Variants in ZNF385D observed in about 807,000 individuals in gnomAD.
ZNF385D encodes the protein zinc finger protein 659.
A neutral mutation model predicts 35.8 loss-of-function variants in ZNF385D; 15 were observed. The ratio of observed to expected loss-of-function variants is 0.42; its 90% CI spans 0.28 to 0.64. ZNF385D has a LOEUF of 0.64. ZNF385D is among the 30% of genes least tolerant of loss of function. ZNF385D has a pLI of 0.23. For synonymous variants in ZNF385D, 212 were observed against 186.8 expected (o/e 1.13, Z -1.10); for missense variants, 474 against 494.6 (o/e 0.96, Z 0.39).
chr3:22,335,169 G>A (rs1695108407), intron 2 of ZNF385D, among the ~76,000 whole-genome samples: 1 of 152,098 alleles, frequency 6.6e-6, no homozygotes, highest in African/African-American at 2.4e-5. Context: ...GTTAGGCCTT[G>A]ATGCTGTTAT....
At chr3:21,632,025 T>G (rs1169901028) in intron 2 of ZNF385D, among the ~76,000 whole-genome samples, 1 of 152,130 alleles carries the variant, frequency 6.6e-6, no homozygotes, top group Admixed American at 6.6e-5. Flanking sequence ...AGTAAAGATT[T>G]CCCTCATTTC....
chr3:21,874,693 T>C (rs1697872352), intron 3 of ZNF385D, among the ~76,000 whole-genome samples: 1 of 152,138 alleles, frequency 6.6e-6, no homozygotes, highest in Non-Finnish European at 1.5e-5. Context: ...TTTGTTCTTT[T>C]TCAAGATATT....
intron 2 of ZNF385D, among the ~76,000 whole-genome samples, chr3:22,176,791 A>G (rs914419825): frequency 6.6e-6 from 1 of 152,188 alleles, no homozygotes; most frequent in African/African-American, 2.4e-5. Flanking sequence ...TGAAAGCACT[A>G]AAATATTTTT....
intron 3 of ZNF385D, among the ~76,000 whole-genome samples, chr3:22,040,196 C>A (rs1470623842): frequency 2.0e-5 from 3 of 152,000 alleles, no homozygotes; most frequent in African/African-American, 7.2e-5. Context: ...TAGCCCACAT[C>A]TTTGTAAATG....
chr3:22,082,003 T>C (rs1474435631), intron 3 of ZNF385D, among the ~76,000 whole-genome samples: 5 of 151,554 alleles, frequency 3.3e-5, no homozygotes, highest in Non-Finnish European at 7.4e-5. Flanking sequence ...TTTTTTTTTT[T>C]TTTTTTTGCT....
intron 3 of ZNF385D, among the ~76,000 whole-genome samples, chr3:21,955,807 G>C (rs1479969): frequency 2.0e-5 from 3 of 151,894 alleles, no homozygotes; most frequent in Middle Eastern, 3.2e-3. Context: ...CACATGCTAA[G>C]TACTACTGGT....
At chr3:21,789,440 TA>T (rs1320739325) in intron 3 of ZNF385D, among the ~76,000 whole-genome samples, 1 of 152,204 alleles carries the variant, frequency 6.6e-6, no homozygotes, top group Non-Finnish European at 1.5e-5. Flanking sequence ...GTTGTTGCTC[TA>T]AACCTTAAAG....
chr3:22,203,110 C>T, intron 2 of ZNF385D, among the ~76,000 whole-genome samples: 1 of 152,058 alleles, frequency 6.6e-6, no homozygotes, highest in East Asian at 1.9e-4. Flanking sequence ...GGCAGTGCAG[C>T]TCACAGCTCC....
At chr3:21,884,086 G>A (rs1319874425) in intron 3 of ZNF385D, among the ~76,000 whole-genome samples, 1 of 151,994 alleles carries the variant, frequency 6.6e-6, no homozygotes, top group Admixed American at 6.6e-5. Flanking sequence ...AGAAAAGGGA[G>A]ACATAGGATA....
At chr3:21,688,886 T>G (rs2067192629) in intron 1 of ZNF385D, among the ~76,000 whole-genome samples, 1 of 152,188 alleles carries the variant, frequency 6.6e-6, no homozygotes, top group Non-Finnish European at 1.5e-5. Flanking sequence ...ATGAAATTAT[T>G]ATAATGTGCT....
At chr3:22,321,194 G>A (rs1290753945) in intron 2 of ZNF385D, among the ~76,000 whole-genome samples, 1 of 40,404 alleles carries the variant, frequency 2.5e-5, no homozygotes. Flanking sequence ...TTCATTTTCT[G>A]GCATCTCTTT....
At chr3:21,942,257 T>A (rs1388076525) in intron 3 of ZNF385D, among the ~76,000 whole-genome samples, 2 of 152,216 alleles carry the variant, frequency 1.3e-5, no homozygotes, top group African/African-American at 2.4e-5. Flanking sequence ...AAATGACTCC[T>A]TTTTTAAATG....
chr3:22,024,266 G>A (rs948892881), intron 3 of ZNF385D, among the ~76,000 whole-genome samples: 8 of 151,992 alleles, frequency 5.3e-5, no homozygotes, highest in African/African-American at 1.9e-4. Context: ...AGCCCATTGT[G>A]GGATCTTGAG....
chr3:21,693,821 C>A (rs1202079732), intron 1 of ZNF385D, among the ~76,000 whole-genome samples: 1 of 151,180 alleles, frequency 6.6e-6, no homozygotes, highest in Non-Finnish European at 1.5e-5. Flanking sequence ...AGAGTCAACT[C>A]CAGACAAAAA....
At chr3:21,815,985 G>A (rs191724033) in intron 3 of ZNF385D, among the ~76,000 whole-genome samples, 21 of 152,288 alleles carry the variant, frequency 1.4e-4, no homozygotes, top group Admixed American at 1.3e-3. Flanking sequence ...TAACTGCCAT[G>A]ATCAAGTGGG....
chr3:21,879,355 G>T (rs1698150286), intron 3 of ZNF385D, among the ~76,000 whole-genome samples: 1 of 151,942 alleles, frequency 6.6e-6, no homozygotes. Context: ...CCATCTCTGG[G>T]ATTAGAGTGC....
intron 5 of ZNF385D, among the ~76,000 whole-genome samples, chr3:21,427,130 T>C (rs918539347): frequency 8.5e-5 from 13 of 152,160 alleles, no homozygotes; most frequent in Admixed American, 4.6e-4. Context: ...TGAGCACAAA[T>C]GCTTTCCACT....
At chr3:22,070,292 A>C (rs73139329) in intron 3 of ZNF385D, among the ~76,000 whole-genome samples, 6,636 of 152,236 alleles carry the variant, frequency 0.044, 177 homozygotes, top group African/African-American at 0.061. Flanking sequence ...CTATAATTAT[A>C]TGCATATATT....
chr3:22,346,820 A>G (rs552054571), intron 2 of ZNF385D, among the ~76,000 whole-genome samples: 2 of 152,182 alleles, frequency 1.3e-5, no homozygotes, highest in Non-Finnish European at 1.5e-5. Context: ...TGGTAAATGC[A>G]AACTACCACT....
Sources: gnomAD v4.1 joint callset for allele counts (sites outside exome capture counted in the v4.1 genomes callset) on GRCh38, gnomAD v4.1.1 for gene constraint, MANE v1.5 for transcripts, NCBI Gene and HGNC (gene_info 2026-07-23, HGNC 2026-07-21) for gene names.